The following AFG3L2 variants were observed in gnomAD, a reference collection of about 807,000 sequenced individuals.
AFG3L2 encodes mitochondrial inner membrane m-AAA protease component AFG3L2.
A neutral mutation model predicts 94.5 loss-of-function variants in AFG3L2; 54 were observed. The ratio of observed to expected loss-of-function variants is 0.57; its 90% CI spans 0.46 to 0.72. AFG3L2 has a LOEUF of 0.72. Among genes scored for constraint, AFG3L2 ranks in the 30% least tolerant of loss-of-function variants. The pLI is 0.00. For synonymous variants in AFG3L2, 377 were observed against 365.5 expected, an observed-to-expected ratio of 1.03 and a Z score of -0.36; for missense variants, 754 against 994.9, an observed-to-expected ratio of 0.76 and a Z score of 3.26.
intron 16 of AFG3L2, among the ~76,000 whole-genome samples, chr18:12,333,279 T>A (rs1357626234): frequency 7.8e-6 from 1 of 128,096 alleles, no homozygotes. Context: ...TAAATATAGA[T>A]TATATATAAT....
intron 12 of AFG3L2, among the ~76,000 whole-genome samples, chr18:12,350,498 A>G (rs1225275987): frequency 7.9e-5 from 12 of 152,208 alleles, no homozygotes; most frequent in Non-Finnish European, 5.9e-5. Flanking sequence ...TTTTTCACAA[A>G]ATACTCCCGA....
At chr18:12,361,177 CT>C (rs1205889986) in intron 6 of AFG3L2, among the ~76,000 whole-genome samples, 2 of 152,170 alleles carry the variant, frequency 1.3e-5, no homozygotes, top group East Asian at 1.9e-4. Flanking sequence ...TGAGACCCCC[CT>C]GGCCACCATG....
intron 1 of AFG3L2, among the ~76,000 whole-genome samples, chr18:12,373,527 G>A (rs1424452149): frequency 6.6e-6 from 1 of 152,172 alleles, no homozygotes; most frequent in Non-Finnish European, 1.5e-5. Context: ...GTAATATGAA[G>A]GGGTCTTTAT....
chr18:12,360,623 C>T (rs987511176), intron 6 of AFG3L2, among the ~76,000 whole-genome samples: 1 of 152,222 alleles, frequency 6.6e-6, no homozygotes, highest in Non-Finnish European at 1.5e-5. Context: ...GCCAGGCACT[C>T]CCTCTTTATT....
rs375978000 is a variant in AFG3L2 at position 12,348,716 on chromosome 18, C to G, written c.1553-333G>C. Among the ~76,000 whole-genome samples the G allele has an allele frequency of 5.9e-5, 9 of 152,306 alleles. No homozygotes were observed. In the East Asian group the frequency reaches 1.7e-3, roughly 29 times the overall value. ...AAATGCTCATTTAAATAACTTAGTT[C>G]TATCACCTGTGTTGGAAAAATGGCT... On this transcript the variant is annotated intron_variant, in intron 12 of 16. Coordinates refer to ENST00000269143, the MANE Select transcript of AFG3L2 (RefSeq NM_006796.3).
intron 3 of AFG3L2, among the ~76,000 whole-genome samples, chr18:12,369,129 A>G (rs7228252): frequency 0.83 from 125,393 of 151,980 alleles, 51,774 homozygotes; most frequent in African/African-American, 0.86. Context: ...GCCCAGGACT[A>G]AAAAACACGC....
intron 13 of AFG3L2, among the ~76,000 whole-genome samples, 183 bp downstream of exon 13, chr18:12,348,087 GGAA>G (rs1289167452): frequency 1.1e-4 from 16 of 152,128 alleles, no homozygotes; most frequent in African/African-American, 3.4e-4. Context: ...GACGGTGGCA[GGAA>G]GAAGGAGGAG....
chr18:12,347,332 G>A (rs1267321192), intron 13 of AFG3L2, among the ~76,000 whole-genome samples: 1 of 152,174 alleles, frequency 6.6e-6, no homozygotes, highest in Non-Finnish European at 1.5e-5. Flanking sequence ...TTCATCCTGA[G>A]CCTGGGGCAC....
chr18:12,346,401 G>T (rs144225921), intron 13 of AFG3L2, among the ~76,000 whole-genome samples: 1 of 152,086 alleles, frequency 6.6e-6, no homozygotes, highest in Admixed American at 6.5e-5. Context: ...TCACATGCAG[G>T]ACAGCTCATT....
At chr18:12,337,278 A>C in intron 16 of AFG3L2, 63 bp downstream of exon 16, 6 of 1,413,782 alleles carry the variant, frequency 4.2e-6, no homozygotes, top group Non-Finnish European at 6.0e-6. Flanking sequence ...AAAACAGTCT[A>C]TCTATCACTT....
chr18:12,374,589 G>C (rs1039076208), intron 1 of AFG3L2, among the ~76,000 whole-genome samples: 12 of 152,176 alleles, frequency 7.9e-5, no homozygotes, highest in Non-Finnish European at 4.4e-5. Flanking sequence ...AAATCAATCA[G>C]CTACAGCTGT....
chr18:12,358,504 GAACTGACCCAA>G lies in AFG3L2; in HGVS notation c.1026+155_1026+165del, dbSNP rs529917701. 3.9e-5 allele frequency among the ~76,000 whole-genome samples: 6 copies of G among 152,298 alleles called. No individual in the cohort carries two copies. In the South Asian group the frequency reaches 1.2e-3, roughly 32 times the overall value. On this transcript the variant is annotated intron_variant, in intron 8 of 16. Coordinates refer to ENST00000269143, the MANE Select transcript of AFG3L2 (RefSeq NM_006796.3). ...ACACTATACAAGACACATGCACACAGAACTGACCCAAAACGATCCTCGAGTTGGGCAGAGGC... is the reference window on the plus strand; with the variant it reads ...ACACTATACAAGACACATGCACACAGAACGATCCTCGAGTTGGGCAGAGGC...
At chr18:12,376,845 C>T in intron 1 of AFG3L2, 124 bp downstream of exon 1, 1 of 698,258 alleles carries the variant, frequency 1.4e-6, no homozygotes, top group Non-Finnish European at 2.0e-6. Context: ...GCGCCCAGGC[C>T]CTCGGCAGGG....
Position 12,377,121 on chromosome 18 carries a change from A to G in AFG3L2, c.-39T>C. ...GCCCTCTCGGCCCGGGACGCTGCGCAGGCGCGGGCAGGCGACGACTGGCGG... is the reference window on the plus strand; with the variant it reads ...GCCCTCTCGGCCCGGGACGCTGCGCGGGCGCGGGCAGGCGACGACTGGCGG... On this transcript the variant is annotated 5_prime_UTR_variant, in exon 1 of 17. Coordinates refer to ENST00000269143, the MANE Select transcript of AFG3L2 (RefSeq NM_006796.3). 1 of 1,321,688 alleles carries G rather than the reference A, an allele frequency of 7.6e-7. No individual in the cohort carries two copies. Among genetic ancestry groups the G allele is most frequent in the Non-Finnish European group, 9.8e-7 (1 of 1,017,712 alleles). The allele number at this position is 1,321,688 out of a possible 1,614,324, so 81.9% of individuals were successfully genotyped here.
At chr18:12,369,276 T>C (rs1908903756) in intron 3 of AFG3L2, among the ~76,000 whole-genome samples, 1 of 152,214 alleles carries the variant, frequency 6.6e-6, no homozygotes, top group Non-Finnish European at 1.5e-5. Context: ...CCACCTAGCA[T>C]GCACTGGGAG....
rs768999765 is a variant in AFG3L2, at chr18:12,359,961, G to A, written c.718C>T (p.Arg240Trp). ...TCAGCAATGTAGACAACAGGCACCCGATTTTCTCCTTCTATGCCCAATTCC... is the reference window on the plus strand; with the variant it reads ...TCAGCAATGTAGACAACAGGCACCCAATTTTCTCCTTCTATGCCCAATTCC... ...QQELGIEGEN[R>W]VPVVYIAESD... The change falls in exon 7 of 17, where the codon CGG becomes TGG. Residue 240 changes from arginine (R) to tryptophan (W), a missense_variant. By Grantham distance (101) the Arg-to-Trp change is moderately radical. Transcript: ENST00000269143. 51 of 1,613,880 alleles carry A rather than the reference G, an allele frequency of 3.2e-5. No individual in the cohort carries two copies. The highest frequency in any genetic ancestry group is 1.7e-4 in the Middle Eastern group (1 of 5,994).
At chr18:12,358,565 A>G in intron 8 of AFG3L2, 105 bp downstream of exon 8, 1 of 1,409,846 alleles carries the variant, frequency 7.1e-7, no homozygotes, top group Non-Finnish European at 9.8e-7. Flanking sequence ...GAGAAAGAGG[A>G]AGGACAGAAA....
intron 6 of AFG3L2, among the ~76,000 whole-genome samples, chr18:12,362,900 C>T (rs573314830): frequency 3.9e-5 from 6 of 152,288 alleles, no homozygotes; most frequent in African/African-American, 9.6e-5. Context: ...CGTTGCCTAC[C>T]GGCCTCATGA....
rs772182556 is a variant in AFG3L2, at chr18:12,358,799, T to G, written c.897A>C (p.Leu299Phe). 2.5e-6 allele frequency: 4 copies of G among 1,614,140 alleles called. No individual in the cohort carries two copies. Among genetic ancestry groups the G allele is most frequent in the African/African-American group, 2.7e-5 (2 of 74,956 alleles). Residue 299 changes from leucine to phenylalanine, a missense_variant, in exon 8 of 17, where the codon TTA becomes TTC. Coordinates refer to ENST00000269143, the MANE Select transcript of AFG3L2 (RefSeq NM_006796.3). ...FSVGETTAKV[L>F]KDEIDVKFKD... is the part of the protein sequence containing the mutation. ...TGAACTTCACATCAATTTCATCCTT[T>G]AAGACCTTGGCAGTGGTTTCTCCGA...
Sources: allele counts gnomAD v4.1 joint callset (sites outside exome capture counted in the v4.1 genomes callset), GRCh38; gene constraint gnomAD v4.1.1; transcripts MANE v1.5; gene names NCBI Gene and HGNC (gene_info 2026-07-23, HGNC 2026-07-21).